Variants in SPRY3 observed in about 807,000 individuals in gnomAD.
SPRY3 encodes the protein sprouty RTK signaling antagonist 3.
A neutral mutation model predicts 20.2 loss-of-function variants in SPRY3; 15 were observed. The observed-to-expected ratio is 0.74, with a 90% CI of 0.50 to 1.14. The LOEUF is 1.14. SPRY3 is among the 50% of genes most tolerant of loss of function. The pLI, the probability that SPRY3 is intolerant of heterozygous loss-of-function variation, is 0.00. For synonymous variants in SPRY3, 143 were observed against 136.5 expected (o/e 1.05, Z -0.33); for missense variants, 364 against 363.9 (o/e 1.00, Z 0.00).
chrX:155,771,900 A>G (rs2092625480), intron 3 of SPRY3, among the ~76,000 whole-genome samples: 1 of 152,216 alleles, frequency 6.6e-6, no homozygotes, highest in South Asian at 2.1e-4. Context: ...ATGAAAAGAA[A>G]TATTTTATAA....
chrX:155,702,948 C>T (rs1216999246), intron 2 of SPRY3, among the ~76,000 whole-genome samples: 1 of 109,306 alleles, frequency 9.1e-6, no homozygotes, highest in Non-Finnish European at 1.8e-5. Flanking sequence ...ACCAGCCTTG[C>T]ATCCCAGGGA....
At chrX:155,774,555 C>G in exon 4 of SPRY3, 1 of 1,614,014 alleles carries the variant, frequency 6.2e-7, no homozygotes, top group Non-Finnish European at 8.5e-7. Context: ...TGAGCCTCAT[C>G]TCCCTCTTCC....
intron 3 of SPRY3, among the ~76,000 whole-genome samples, chrX:155,773,271 T>C (rs947675245): frequency 3.4e-5 from 5 of 146,574 alleles, no homozygotes; most frequent in African/African-American, 1.2e-4. Context: ...TATTTCTGCT[T>C]ATCACAAATT....
At chrX:155,635,002 C>A (rs1306302816) in intron 1 of SPRY3, among the ~76,000 whole-genome samples, 3 of 109,722 alleles carry the variant, frequency 2.7e-5, no homozygotes, top group Non-Finnish European at 5.7e-5. Flanking sequence ...CCCTTCATCT[C>A]CATTAGGTAT....
intron 1 of SPRY3, among the ~76,000 whole-genome samples, chrX:155,655,806 A>G (rs1473723752): frequency 8.9e-6 from 1 of 111,947 alleles, no homozygotes; most frequent in Non-Finnish European, 1.9e-5. Context: ...CCTGGTGGTG[A>G]CAGAATCCCT....
chrX:155,734,015 C>T (rs1569390167), intron 2 of SPRY3, among the ~76,000 whole-genome samples: 1 of 152,102 alleles, frequency 6.6e-6, no homozygotes, highest in African/African-American at 2.4e-5. Context: ...CGAAAACGTT[C>T]TCCGGATAAG....
intron 2 of SPRY3, among the ~76,000 whole-genome samples, chrX:155,753,939 CTTTG>C (rs949242648): frequency 6.6e-6 from 1 of 151,698 alleles, no homozygotes; most frequent in Non-Finnish European, 1.5e-5. Flanking sequence ...CCATTTGTTT[CTTTG>C]TTTTAGTTGT....
At chrX:155,709,282 C>T (rs1301033600) in intron 2 of SPRY3, among the ~76,000 whole-genome samples, 2 of 151,688 alleles carry the variant, frequency 1.3e-5, no homozygotes, top group Admixed American at 1.3e-4. Context: ...TTTACATTCC[C>T]GCCAACAATG....
chrX:155,739,754 C>T (rs1355489719), intron 2 of SPRY3, among the ~76,000 whole-genome samples: 1 of 152,044 alleles, frequency 6.6e-6, no homozygotes, highest in African/African-American at 2.4e-5. Flanking sequence ...AAAAGAGAAA[C>T]AAACAAACAG....
At chrX:155,614,165 G>A (rs1259103503) in intron 1 of SPRY3, among the ~76,000 whole-genome samples, 4 of 111,869 alleles carry the variant, frequency 3.6e-5, no homozygotes, top group Non-Finnish European at 5.6e-5. Context: ...GCCAGGCACT[G>A]TACTAAGATC....
chrX:155,760,971 T>C (rs746572029), intron 2 of SPRY3, among the ~76,000 whole-genome samples: 21 of 152,280 alleles, frequency 1.4e-4, no homozygotes, highest in African/African-American at 4.6e-4. Context: ...GTCTCTAATA[T>C]TGAATGCTTT....
At chrX:155,640,085 G>GAGTTTCTTATATAC (rs2067936205) in intron 1 of SPRY3, among the ~76,000 whole-genome samples, 1 of 111,490 alleles carries the variant, frequency 9.0e-6, no homozygotes, top group African/African-American at 3.3e-5. Flanking sequence ...CGAGTTGCAG[G>GAGTTTCTTATATAC]AGTTTCTTAT....
intron 2 of SPRY3, among the ~76,000 whole-genome samples, chrX:155,744,042 A>C (rs1307509364): frequency 6.6e-6 from 1 of 152,096 alleles, no homozygotes; most frequent in Non-Finnish European, 1.5e-5. Context: ...TGGCTGGGCA[A>C]CTTTGGCTGG....
intron 2 of SPRY3, among the ~76,000 whole-genome samples, chrX:155,712,815 T>C (rs2090996077): frequency 6.6e-6 from 1 of 151,758 alleles, no homozygotes; most frequent in Admixed American, 6.6e-5. Context: ...ATTTAATTTC[T>C]TGTTTTTTAT....
exon 4 of SPRY3, chrX:155,774,961 G>C: frequency 3.3e-6 from 2 of 607,086 alleles, no homozygotes; most frequent in East Asian, 5.6e-5. Flanking sequence ...CACCCTGCCA[G>C]CTCAGCCTTT....
At chrX:155,733,994 T>C (rs2091151695) in intron 2 of SPRY3, among the ~76,000 whole-genome samples, 1 of 152,158 alleles carries the variant, frequency 6.6e-6, no homozygotes, top group South Asian at 2.1e-4. Flanking sequence ...TGGTTTCAGC[T>C]ATCTAGACCA....
exon 4 of SPRY3, chrX:155,774,118 A>G: frequency 6.2e-7 from 1 of 1,613,974 alleles, no homozygotes; most frequent in Non-Finnish European, 8.5e-7. Context: ...GAGCCAATCT[A>G]GCATTGCCAG....
intron 2 of SPRY3, among the ~76,000 whole-genome samples, chrX:155,749,799 G>C (rs1441176425): frequency 6.6e-6 from 1 of 151,842 alleles, no homozygotes; most frequent in Non-Finnish European, 1.5e-5. Flanking sequence ...ATTTTTGTTG[G>C]AGAATGAAGA....
At chrX:155,727,792 C>A (rs2091108426) in intron 2 of SPRY3, among the ~76,000 whole-genome samples, 1 of 152,100 alleles carries the variant, frequency 6.6e-6, no homozygotes, top group South Asian at 2.1e-4. Flanking sequence ...CTTCTGAAGC[C>A]TACTTCTGTC....
Sources: gnomAD v4.1 joint callset for allele counts (sites outside exome capture counted in the v4.1 genomes callset) on GRCh38, gnomAD v4.1.1 for gene constraint, MANE v1.5 for transcripts, NCBI Gene and HGNC (gene_info 2026-07-23, HGNC 2026-07-21) for gene names.